ROBO2: variants seen among roughly 807,000 people sequenced by gnomAD.
ROBO2 encodes roundabout homolog 2.
A neutral mutation model predicts 160.8 loss-of-function variants in ROBO2; 53 were observed. That is an observed-to-expected ratio of 0.33 (90% CI 0.26 to 0.41). The LOEUF is 0.41. Ranked by LOEUF, ROBO2 falls within the 10% of genes least tolerant of loss-of-function variation. The pLI is 1.00. For missense variants in ROBO2, 1,577 were observed against 1,722.4 expected (o/e 0.92, Z 1.49); for synonymous variants, 664 against 611.7 (o/e 1.09, Z -1.26).
At chr3:76,456,877 A>G (rs1377482272) in intron 2 of ROBO2, among the ~76,000 whole-genome samples, 1 of 152,214 alleles carries the variant, frequency 6.6e-6, no homozygotes, top group Non-Finnish European at 1.5e-5. Context: ...AAGCAAAGGC[A>G]GAAACCCGTG....
intron 2 of ROBO2, among the ~76,000 whole-genome samples, chr3:76,132,774 A>G (rs2071277535): frequency 6.6e-6 from 1 of 152,178 alleles, no homozygotes; most frequent in South Asian, 2.1e-4. Flanking sequence ...TGGAAATTAT[A>G]GAAAATATGA....
intron 2 of ROBO2, among the ~76,000 whole-genome samples, chr3:76,205,806 G>A (rs1378019789): frequency 2.0e-5 from 3 of 152,040 alleles, no homozygotes; most frequent in East Asian, 1.9e-4. Context: ...CAGTACCTCC[G>A]TTTGAGGGTT....
intron 2 of ROBO2, among the ~76,000 whole-genome samples, chr3:76,771,795 TGAG>T (rs1325049723): frequency 2.0e-5 from 3 of 150,898 alleles, no homozygotes; most frequent in Admixed American, 6.6e-5. Context: ...TCTAGACTAA[TGAG>T]GAAAAATCTA....
intron 2 of ROBO2, among the ~76,000 whole-genome samples, chr3:77,256,074 C>T (rs1052778111): frequency 7.2e-5 from 11 of 152,134 alleles, no homozygotes; most frequent in Admixed American, 2.0e-4. Context: ...ACTCATTAAC[C>T]GAATGAAGCC....
intron 2 of ROBO2, among the ~76,000 whole-genome samples, chr3:77,275,179 G>A (rs1221890317): frequency 2.0e-5 from 3 of 152,118 alleles, no homozygotes; most frequent in East Asian, 3.9e-4. Flanking sequence ...TACATATATA[G>A]ATACAAACCA....
chr3:75,992,266 A>G (rs1020615518), intron 2 of ROBO2, among the ~76,000 whole-genome samples: 4 of 152,092 alleles, frequency 2.6e-5, no homozygotes, highest in African/African-American at 9.7e-5. Context: ...GTTTAGGAGA[A>G]AAAAATGGTT....
intron 2 of ROBO2, among the ~76,000 whole-genome samples, chr3:76,736,175 G>C (rs1445166790): frequency 6.6e-6 from 1 of 151,568 alleles, no homozygotes; most frequent in Non-Finnish European, 1.5e-5. Flanking sequence ...CCAGCTACTC[G>C]GGAGGCTGAG....
intron 2 of ROBO2, among the ~76,000 whole-genome samples, chr3:76,920,584 G>A (rs2076594154): frequency 6.6e-6 from 1 of 152,160 alleles, no homozygotes; most frequent in Admixed American, 6.5e-5. Flanking sequence ...ACTGCACCAA[G>A]CCAATGCTTT....
chr3:76,379,833 G>A (rs756859750), intron 2 of ROBO2, among the ~76,000 whole-genome samples: 3 of 152,062 alleles, frequency 2.0e-5, no homozygotes, highest in Non-Finnish European at 4.4e-5. Context: ...AGCCTTAGGA[G>A]CTAGTAATAA....
chr3:77,076,855 A>G (rs1464109292), intron 1 of ROBO2, among the ~76,000 whole-genome samples: 1 of 152,144 alleles, frequency 6.6e-6, no homozygotes, highest in African/African-American at 2.4e-5. Flanking sequence ...GTTTTGCCTT[A>G]TGGATATAAG....
At chr3:76,199,576 A>G (rs984197581) in intron 2 of ROBO2, among the ~76,000 whole-genome samples, 2 of 152,138 alleles carry the variant, frequency 1.3e-5, no homozygotes, top group African/African-American at 4.8e-5. Context: ...GAATGTACAA[A>G]TGGATAATGG....
chr3:77,460,942 C>T (rs1334237541), intron 2 of ROBO2, among the ~76,000 whole-genome samples: 1 of 151,890 alleles, frequency 6.6e-6, no homozygotes, highest in East Asian at 1.9e-4. Context: ...TTGAGCCATC[C>T]GCTGTTGTAT....
intron 2 of ROBO2, among the ~76,000 whole-genome samples, chr3:76,490,334 G>A (rs1490362378): frequency 6.6e-6 from 1 of 152,152 alleles, no homozygotes; most frequent in Non-Finnish European, 1.5e-5. Context: ...AACATTTTTG[G>A]CAGAGTTGGC....
chr3:77,306,743 A>G (rs2063128319), intron 2 of ROBO2, among the ~76,000 whole-genome samples: 1 of 152,214 alleles, frequency 6.6e-6, no homozygotes, highest in Non-Finnish European at 1.5e-5. Context: ...CAATAAAAAT[A>G]TTCATTTATA....
intron 2 of ROBO2, among the ~76,000 whole-genome samples, chr3:76,970,256 C>G (rs1293197137): frequency 1.3e-5 from 2 of 152,160 alleles, no homozygotes; most frequent in East Asian, 3.8e-4. Context: ...CAAGGGCCTA[C>G]CTCTACCATT....
chr3:76,641,164 C>A (rs1033838464), intron 2 of ROBO2, among the ~76,000 whole-genome samples: 1 of 152,106 alleles, frequency 6.6e-6, no homozygotes, highest in Non-Finnish European at 1.5e-5. Context: ...TGAAGAGAAA[C>A]AGGATACAGG....
chr3:76,522,707 G>A (rs1440466124), intron 2 of ROBO2, among the ~76,000 whole-genome samples: 1 of 151,932 alleles, frequency 6.6e-6, no homozygotes, highest in Non-Finnish European at 1.5e-5. Context: ...CCATTCATCT[G>A]TCTATCCTAC....
At chr3:76,045,478 A>C (rs945833744) in intron 2 of ROBO2, among the ~76,000 whole-genome samples, 8 of 152,026 alleles carry the variant, frequency 5.3e-5, no homozygotes, top group Non-Finnish European at 1.2e-4. Flanking sequence ...TTGGAGACAC[A>C]AGTTATAGAG....
chr3:77,291,082 T>G (rs1196551901), intron 2 of ROBO2, among the ~76,000 whole-genome samples: 4 of 147,834 alleles, frequency 2.7e-5, no homozygotes, highest in Admixed American at 2.7e-4. Flanking sequence ...AGACGTAAAG[T>G]AAAATTGACG....
Sources: allele counts gnomAD v4.1 joint callset (sites outside exome capture counted in the v4.1 genomes callset), GRCh38; gene constraint gnomAD v4.1.1; transcripts MANE v1.5; gene names NCBI Gene and HGNC (gene_info 2026-07-23, HGNC 2026-07-21).